Variants in MARCHF1 observed in about 807,000 individuals in gnomAD.
MARCHF1 encodes membrane associated ring-CH-type finger 1, also known as E3 ubiquitin-protein ligase MARCHF1.
In MARCHF1, 40 loss-of-function variants were observed where a neutral mutation model predicts 54.2. The ratio of observed to expected loss-of-function variants is 0.74; its 90% CI spans 0.57 to 0.96. The LOEUF is 0.96. MARCHF1 is among the 40% of genes least tolerant of loss of function. The probability of loss-of-function intolerance (pLI) is 0.00; values close to 1 mark genes in which losing one functional copy is unlikely to be tolerated. For missense variants in MARCHF1, 586 were observed against 656.5 expected, an observed-to-expected ratio of 0.89 and a Z score of 1.17; for synonymous variants, 236 against 236.3, an observed-to-expected ratio of 1.00 and a Z score of 0.01.
chr4:163,854,295 G>T, intron 3 of MARCHF1, 126 bp from the exon 4 acceptor site: 2 of 650,846 alleles, frequency 3.1e-6, no homozygotes, highest in African/African-American at 1.8e-5. Flanking sequence ...AAAAAACCAG[G>T]GGTTACAAGG....
At chr4:163,606,343 T>G (rs1741141517) in intron 7 of MARCHF1, among the ~76,000 whole-genome samples, 1 of 152,144 alleles carries the variant, frequency 6.6e-6, no homozygotes, top group South Asian at 2.1e-4. Context: ...GTTTGAGCAC[T>G]GCCTGAATTG....
At chr4:163,562,069 G>A (rs1275480701) in intron 8 of MARCHF1, among the ~76,000 whole-genome samples, 1 of 152,076 alleles carries the variant, frequency 6.6e-6, no homozygotes, top group East Asian at 1.9e-4. Flanking sequence ...GGCCGAGGTG[G>A]GCAGATCACC....
intron 3 of MARCHF1, among the ~76,000 whole-genome samples, chr4:163,867,845 TTCTTCGGGTGA>T (rs1206132064): frequency 1.4e-5 from 2 of 148,120 alleles, no homozygotes; most frequent in African/African-American, 2.5e-5. Flanking sequence ...GAGAAGCTTA[TTCTTCGGGTGA>T]GTAGTCTCCT....
chr4:163,770,122 AC>A (rs996304927), intron 4 of MARCHF1, among the ~76,000 whole-genome samples: 25 of 152,216 alleles, frequency 1.6e-4, no homozygotes, highest in African/African-American at 6.0e-4. Context: ...ATAATCACAT[AC>A]AAAATAAGTG....
intron 1 of MARCHF1, among the ~76,000 whole-genome samples, chr4:164,344,633 T>G (rs1730025784): frequency 6.6e-6 from 1 of 152,158 alleles, no homozygotes; most frequent in African/African-American, 2.4e-5. Context: ...TTAAATTTAC[T>G]AAGGATCTAG....
chr4:164,126,507 C>T (rs1265348901), intron 1 of MARCHF1, among the ~76,000 whole-genome samples: 5 of 152,056 alleles, frequency 3.3e-5, no homozygotes, highest in East Asian at 1.9e-4. Flanking sequence ...GGAGAAGTGG[C>T]GGTGCTGCTG....
At chr4:163,813,507 G>A (rs1444834481) in intron 4 of MARCHF1, among the ~76,000 whole-genome samples, 1 of 152,088 alleles carries the variant, frequency 6.6e-6, no homozygotes, top group Non-Finnish European at 1.5e-5. Context: ...ACACACATCT[G>A]ACTTCTACAA....
chr4:164,100,840 A>G (rs1198286945), intron 2 of MARCHF1, among the ~76,000 whole-genome samples: 2 of 152,286 alleles, frequency 1.3e-5, no homozygotes, highest in African/African-American at 2.4e-5. Flanking sequence ...CTGCATTTCC[A>G]TCTGAGGTAC....
At chr4:163,809,206 G>C (rs987037495) in intron 4 of MARCHF1, among the ~76,000 whole-genome samples, 2 of 152,134 alleles carry the variant, frequency 1.3e-5, no homozygotes, top group African/African-American at 4.8e-5. Flanking sequence ...TCCCTGGGAA[G>C]TTTTAAACAA....
rs190426854 is a variant in MARCHF1 at position 163,547,077 on chromosome 4, C to T, written c.1192-1334G>A. 1.9e-3 allele frequency among the ~76,000 whole-genome samples: 288 copies of T among 152,300 alleles called. 1 individual carries two copies. In the Middle Eastern group the frequency reaches 0.041, roughly 22 times the overall value. On this transcript the variant is annotated intron_variant, in intron 8 of 9. Transcript: ENST00000514618. ...AGAACTTCAGAAGACCCCATTCCTT[C>T]CCCACCTGACCATCCCACATGTGGA...
intron 5 of MARCHF1, among the ~76,000 whole-genome samples, chr4:163,662,505 G>T (rs769638837): frequency 7.2e-5 from 11 of 151,800 alleles, no homozygotes; most frequent in Non-Finnish European, 1.6e-4. Context: ...TAATATCCAA[G>T]CACATTCCTT....
At chr4:164,235,437 G>T (rs981133772) in intron 1 of MARCHF1, among the ~76,000 whole-genome samples, 1 of 152,112 alleles carries the variant, frequency 6.6e-6, no homozygotes, top group African/African-American at 2.4e-5. Flanking sequence ...TTCTGTAAGT[G>T]CTGAGGATTC....
chr4:164,032,494 C>T (rs1753899584), intron 2 of MARCHF1, among the ~76,000 whole-genome samples: 1 of 152,152 alleles, frequency 6.6e-6, no homozygotes, highest in Admixed American at 6.6e-5. Flanking sequence ...TTCCACTTAA[C>T]ACTGCTTTAG....
chr4:163,917,674 A>T (rs1462361939), intron 3 of MARCHF1, among the ~76,000 whole-genome samples: 1 of 152,126 alleles, frequency 6.6e-6, no homozygotes, highest in African/African-American at 2.4e-5. Context: ...GGTTTGTTAC[A>T]TAGCTAAATA....
chr4:164,113,794 T>A (rs1368982997), intron 1 of MARCHF1, among the ~76,000 whole-genome samples: 1 of 151,986 alleles, frequency 6.6e-6, no homozygotes, highest in Non-Finnish European at 1.5e-5. Flanking sequence ...TGCATATTAT[T>A]TTGGAAAGAA....
chr4:164,164,796 C>G (rs771876333), intron 1 of MARCHF1, among the ~76,000 whole-genome samples: 1 of 151,852 alleles, frequency 6.6e-6, no homozygotes. Context: ...CATACATATC[C>G]GGAAGTTATT....
rs564430440 is a variant in MARCHF1 at position 164,050,865 on chromosome 4, G to A, written c.-248+60723C>T. Among the ~76,000 whole-genome samples the A allele has an allele frequency of 6.4e-4, 98 of 152,168 alleles. 1 individual carries two copies. The South Asian group carries it at 0.018, about 28-fold the overall frequency. On this transcript the variant is annotated intron_variant, in intron 2 of 9. Coordinates refer to ENST00000514618, the MANE Select transcript of MARCHF1 (RefSeq NM_001394959.1). ...GGAGAATCACTTGAACCCAGGAGGC[G>A]GAGGTTGCGGTGAGCCGAGATTGTG... is the stretch of plus-strand genomic sequence containing the variant.
At chr4:164,200,130 G>T (rs917383186) in intron 1 of MARCHF1, among the ~76,000 whole-genome samples, 1 of 152,092 alleles carries the variant, frequency 6.6e-6, no homozygotes. Flanking sequence ...CCTATGCATG[G>T]TATGTATGTT....
rs1292648090 is a variant in MARCHF1, at chr4:164,259,565, AG to A, written c.-323+124304del. Among the ~76,000 whole-genome samples the A allele has an allele frequency of 8.0e-3, 955 of 118,646 alleles. 12 individuals carry two copies. The highest frequency in any genetic ancestry group is 0.039 in the African/African-American group (901 of 22,992). The allele number at this position is 118,646 out of a possible 152,430, so 77.8% of individuals were successfully genotyped here. ...GTCTCAAAAAAAAAAAAAAAAAAAA[AG>A]AAAAAAGAAAAAGAAAAAAGAAAAA... On this transcript the variant is annotated intron_variant, in intron 1 of 9. Transcript: ENST00000514618.
Sources: gnomAD v4.1 joint callset for allele counts (sites outside exome capture counted in the v4.1 genomes callset) on GRCh38, gnomAD v4.1.1 for gene constraint, MANE v1.5 for transcripts, NCBI Gene and HGNC (gene_info 2026-07-23, HGNC 2026-07-21) for gene names.